Variants in IQCH observed in about 807,000 individuals in gnomAD.
IQCH encodes IQ domain-containing protein H.
A neutral mutation model predicts 117.0 loss-of-function variants in IQCH; 98 were observed. The ratio of observed to expected loss-of-function variants is 0.84; its 90% CI spans 0.71 to 0.99. The LOEUF (loss-of-function observed/expected upper bound fraction) is 0.99. Ranked by LOEUF, IQCH falls within the 50% of genes least tolerant of loss-of-function variation. The pLI is 0.00. For missense variants in IQCH, 1,102 were observed against 1,243.8 expected, an observed-to-expected ratio of 0.89 and a Z score of 1.72; for synonymous variants, 412 against 448.2, an observed-to-expected ratio of 0.92 and a Z score of 1.02.
At position 67,254,911 on chromosome 15, in the gene IQCH, T is replaced by C. The variant is rs1256466053; in HGVS notation, c.15T>C (p.Thr5=). The change falls in exon 1 of 21, where the codon ACT becomes ACC. Residue 5 remains threonine, a synonymous_variant. Transcript: ENST00000335894. ...CTGACCTAGCCATGGCACAGAACACTGAAAACCACGACCCTGTCGGATCCA... is the reference window on the plus strand; with the variant it reads ...CTGACCTAGCCATGGCACAGAACACCGAAAACCACGACCCTGTCGGATCCA... The part of the protein sequence containing the change: MAQN[T]ENHDPVGSIL... The C allele has an allele frequency of 1.9e-6, 3 of 1,613,774 alleles. No individual in the cohort carries two copies. The highest frequency in any genetic ancestry group is 2.5e-6 in the Non-Finnish European group (3 of 1,179,818).
intron 4 of IQCH, among the ~76,000 whole-genome samples, chr15:67,312,657 G>A (rs548406038): frequency 2.6e-5 from 4 of 152,214 alleles, no homozygotes; most frequent in African/African-American, 7.2e-5. Flanking sequence ...CTTTTCTGTT[G>A]CAAGGAGGAA....
intron 6 of IQCH, among the ~76,000 whole-genome samples, chr15:67,354,090 A>G (rs1471749023): frequency 1.3e-5 from 2 of 152,098 alleles, no homozygotes; most frequent in Admixed American, 6.5e-5. Flanking sequence ...TCCATAGGGG[A>G]AAAAAAGAGG....
chr15:67,367,737 G>T (rs901496594), intron 8 of IQCH, among the ~76,000 whole-genome samples: 2 of 152,094 alleles, frequency 1.3e-5, no homozygotes, highest in African/African-American at 4.8e-5. Flanking sequence ...CATGAGGTAG[G>T]GTGGGGAAGA....
At position 67,494,148 on chromosome 15, in the gene IQCH, A is replaced by C; in HGVS notation, c.2862-110A>C. 1.5e-6 allele frequency: 1 copy of C among 672,024 alleles called. No individual in the cohort carries two copies. Among genetic ancestry groups the C allele is most frequent in the Non-Finnish European group, 2.4e-6 (1 of 417,850 alleles). 41.6% of individuals were successfully genotyped at this position (672,024 alleles called of 1,614,324 possible). ...TGAAGATTGCCACCTTGTGAGATTG[A>C]AAATACTCATTAAATTCCATCACCA... On this transcript the variant is annotated intron_variant, in intron 19 of 20. Transcript: ENST00000335894. The surrounding 1 kb of genome is among the most constrained non-coding windows in gnomAD (Gnocchi z 5.5).
chr15:67,375,503 A>G (rs1970705679), intron 10 of IQCH, among the ~76,000 whole-genome samples: 1 of 152,314 alleles, frequency 6.6e-6, no homozygotes, highest in African/African-American at 2.4e-5. Flanking sequence ...GTTATTTTAA[A>G]TATGATATTA....
intron 20 of IQCH, among the ~76,000 whole-genome samples, chr15:67,495,372 GT>G (rs1368922111): frequency 6.6e-6 from 1 of 152,156 alleles, no homozygotes; most frequent in East Asian, 1.9e-4. Context: ...TTTTTGTTTT[GT>G]TTTGTTTTAA....
chr15:67,501,252 T>G lies in IQCH; in HGVS notation c.*506T>G, dbSNP rs374232013. The G allele has an allele frequency of 2.0e-5, 3 of 152,338 alleles. No homozygotes were observed. The highest frequency in any genetic ancestry group is 3.8e-4 in the East Asian group (2 of 5,196). 9.4% of individuals were successfully genotyped at this position (152,338 alleles called of 1,614,324 possible). On this transcript the variant is annotated 3_prime_UTR_variant, in exon 21 of 21. Coordinates refer to ENST00000335894, the MANE Select transcript of IQCH (RefSeq NM_001031715.3). This position sits in a 1 kb window ranked among gnomAD's most constrained non-coding sequence, Gnocchi z 5.2. ...ATTGAAATTATATTTATATGAATTT[T>G]TAAGTGACTATCATTCATCGTGTTT...
At chr15:67,279,034 G>A (rs751863171) in intron 3 of IQCH, among the ~76,000 whole-genome samples, 12 of 152,010 alleles carry the variant, frequency 7.9e-5, no homozygotes, top group East Asian at 5.8e-4. Context: ...TATATTTAAC[G>A]TTGGTTATAC....
At chr15:67,484,260 G>T (rs1484485622) in intron 18 of IQCH, among the ~76,000 whole-genome samples, 3 of 151,964 alleles carry the variant, frequency 2.0e-5, no homozygotes, top group African/African-American at 7.3e-5. Context: ...ACAAAAATTA[G>T]CAGGGCACGG....
chr15:67,270,381 T>C (rs1226460456), intron 3 of IQCH, among the ~76,000 whole-genome samples: 1 of 152,248 alleles, frequency 6.6e-6, no homozygotes, highest in African/African-American at 2.4e-5. Flanking sequence ...TTTATTATTT[T>C]CAGGTATGTT....
intron 3 of IQCH, among the ~76,000 whole-genome samples, chr15:67,265,930 T>A (rs1410627730): frequency 6.6e-6 from 1 of 152,146 alleles, no homozygotes; most frequent in Admixed American, 6.5e-5. Context: ...CCTTAGAATA[T>A]CCAAGTAGGA....
rs921696921 is a variant in IQCH, at chr15:67,453,940, T to G, written c.2506-11187T>G. Reference sequence around the variant, plus strand: ...CTAACTCGGCAATGGCGGGCACCCCTCCCCCAGCCTCGCTGCCGCCTTGCA... The same window carrying G: ...CTAACTCGGCAATGGCGGGCACCCCGCCCCCAGCCTCGCTGCCGCCTTGCA... On this transcript the variant is annotated intron_variant, in intron 16 of 20. Coordinates refer to ENST00000335894, the MANE Select transcript of IQCH (RefSeq NM_001031715.3). This position sits in a 1 kb window ranked among gnomAD's most constrained non-coding sequence, Gnocchi z 5.8. Among the ~76,000 whole-genome samples the G allele has an allele frequency of 2.0e-5, 3 of 151,982 alleles. No homozygotes were observed. Among genetic ancestry groups the G allele is most frequent in the Non-Finnish European group, 4.4e-5 (3 of 67,978 alleles).
chr15:67,383,833 AAG>A (rs1210698207), intron 10 of IQCH, among the ~76,000 whole-genome samples: 28 of 152,302 alleles, frequency 1.8e-4, no homozygotes, highest in African/African-American at 6.3e-4. Context: ...ATGCAAAGCA[AAG>A]AGAGACTTTT....
intron 5 of IQCH, among the ~76,000 whole-genome samples, chr15:67,340,447 A>AAAC (rs1969110813): frequency 6.8e-6 from 1 of 146,284 alleles, no homozygotes; most frequent in Non-Finnish European, 1.5e-5. Context: ...AAAAAAAAAA[A>AAAC]AAAAAAAAAA....
At chr15:67,373,491 C>A in intron 10 of IQCH, 58 bp downstream of exon 10, 1 of 1,131,138 alleles carries the variant, frequency 8.8e-7, no homozygotes, top group Non-Finnish European at 1.3e-6. Context: ...CACATTATGG[C>A]TCCTTGATTG....
intron 1 of IQCH, chr15:67,255,238 G>A (rs1392378311): frequency 6.1e-6 from 3 of 490,972 alleles, no homozygotes; most frequent in Non-Finnish European, 1.1e-5. Flanking sequence ...TCACGCTGAG[G>A]CATCATTTTT....
At chr15:67,265,751 G>A (rs1965644291) in intron 3 of IQCH, among the ~76,000 whole-genome samples, 1 of 152,162 alleles carries the variant, frequency 6.6e-6, no homozygotes, top group South Asian at 2.1e-4. Flanking sequence ...TTCTGCACTT[G>A]CCCCAAGACG....
intron 4 of IQCH, among the ~76,000 whole-genome samples, chr15:67,294,949 C>A (rs939059289): frequency 6.6e-6 from 1 of 152,210 alleles, no homozygotes; most frequent in African/African-American, 2.4e-5. Flanking sequence ...CTAAATATAG[C>A]TGCAGTACAT....
chr15:67,392,359 G>A (rs1352480051), intron 12 of IQCH, among the ~76,000 whole-genome samples: 1 of 152,172 alleles, frequency 6.6e-6, no homozygotes, highest in African/African-American at 2.4e-5. Flanking sequence ...AGAAAAGAGT[G>A]AAACAAGGAA....
Sources: gnomAD v4.1 joint callset for allele counts (sites outside exome capture counted in the v4.1 genomes callset) on GRCh38, gnomAD v4.1.1 for gene constraint, Gnocchi (gnomAD v3.1) non-coding constraint, MANE v1.5 for transcripts, NCBI Gene and HGNC (gene_info 2026-07-23, HGNC 2026-07-21) for gene names.